TSPAN18: variants seen among roughly 807,000 people sequenced by gnomAD.
TSPAN18 encodes tetraspanin-18.
Under a neutral mutation model 27.3 loss-of-function variants are expected in TSPAN18, and 14 were observed. The observed-to-expected ratio is 0.51, with a 90% CI of 0.34 to 0.80. The LOEUF (loss-of-function observed/expected upper bound fraction) is 0.80, where lower values mean the gene tolerates loss of function less well. Ranked by LOEUF, TSPAN18 falls within the 30% of genes least tolerant of loss-of-function variation. The pLI is 0.01. For missense variants in TSPAN18, 268 were observed against 323.9 expected (o/e 0.83, Z 1.32); for synonymous variants, 143 against 136.5 (o/e 1.05, Z -0.33).
intron 1 of TSPAN18, among the ~76,000 whole-genome samples, chr11:44,759,474 A>G (rs1036317469): frequency 3.9e-5 from 6 of 152,140 alleles, no homozygotes; most frequent in Non-Finnish European, 8.8e-5. Context: ...GTTGAGGGTC[A>G]TTCATTCTCT....
At chr11:44,810,012 C>T (rs1009654703) in intron 2 of TSPAN18, among the ~76,000 whole-genome samples, 2 of 152,140 alleles carry the variant, frequency 1.3e-5, no homozygotes, top group Non-Finnish European at 2.9e-5. Context: ...AGTGATGGAG[C>T]GAGAGTGGAC....
intron 2 of TSPAN18, among the ~76,000 whole-genome samples, chr11:44,821,989 G>A (rs931110253): frequency 6.6e-6 from 1 of 152,172 alleles, no homozygotes; most frequent in Non-Finnish European, 1.5e-5. Context: ...ATGGCTGGGG[G>A]TGAAGGCCAG....
chr11:44,821,183 A>G (rs1856921071), intron 2 of TSPAN18, among the ~76,000 whole-genome samples: 1 of 152,218 alleles, frequency 6.6e-6, no homozygotes, highest in East Asian at 1.9e-4. Context: ...AATCACAGAC[A>G]TCGAACATTG....
intron 1 of TSPAN18, among the ~76,000 whole-genome samples, chr11:44,744,822 T>A (rs925746936): frequency 6.6e-6 from 1 of 152,146 alleles, no homozygotes; most frequent in African/African-American, 2.4e-5. Flanking sequence ...AGGGGTAGCA[T>A]GGTGTGGTAG....
At chr11:44,892,645 C>T (rs1459702950) in intron 3 of TSPAN18, among the ~76,000 whole-genome samples, 2 of 152,214 alleles carry the variant, frequency 1.3e-5, no homozygotes, top group African/African-American at 2.4e-5. Flanking sequence ...CTGGGACTGG[C>T]ACCTTCTGTG....
chr11:44,776,763 A>G (rs919661981), intron 2 of TSPAN18, among the ~76,000 whole-genome samples: 2 of 152,184 alleles, frequency 1.3e-5, no homozygotes, highest in African/African-American at 2.4e-5. Context: ...TAGGGCTGCC[A>G]TGAGGATTCC....
At chr11:44,787,506 C>CTTA (rs1409071320) in intron 2 of TSPAN18, among the ~76,000 whole-genome samples, 4 of 152,306 alleles carry the variant, frequency 2.6e-5, no homozygotes, top group Middle Eastern at 6.8e-3. Flanking sequence ...TTCTCATCCT[C>CTTA]TTAGACAGAG....
intron 2 of TSPAN18, among the ~76,000 whole-genome samples, chr11:44,804,801 A>AG (rs1856556966): frequency 8.8e-6 from 1 of 114,114 alleles, no homozygotes; most frequent in East Asian, 3.0e-4. Context: ...CTGAGGAGGA[A>AG]GGGTGGGGGT....
At chr11:44,807,237 G>A (rs2602153) in intron 2 of TSPAN18, among the ~76,000 whole-genome samples, 10,580 of 26,828 alleles carry the variant, frequency 0.39, 1,959 homozygotes, top group South Asian at 0.62. Context: ...AAAAAAAAAA[G>A]AAGGAAAGAG....
At position 44,808,395 on chromosome 11, in the gene TSPAN18, C is replaced by A. The variant is rs527878619; in HGVS notation, c.-153+43883C>A. On this transcript the variant is annotated intron_variant, in intron 2 of 9. Coordinates refer to ENST00000520358, the MANE Select transcript of TSPAN18 (RefSeq NM_130783.5). The stretch of plus-strand genomic sequence containing the variant: ...CAGGAGGGAGAGACAGGAAATTGAC[C>A]AGAAAATCCTATGCCTGTGTAAAGA... Among the ~76,000 whole-genome samples, 12 of 152,264 alleles carry A rather than the reference C, an allele frequency of 7.9e-5. No homozygotes were observed. In the East Asian group the frequency reaches 2.3e-3, roughly 29 times the overall value.
At chr11:44,747,585 A>G (rs1855109727) in intron 1 of TSPAN18, among the ~76,000 whole-genome samples, 1 of 152,150 alleles carries the variant, frequency 6.6e-6, no homozygotes, top group East Asian at 1.9e-4. Context: ...ATTTGGGTCG[A>G]CTTTGGTATA....
intron 3 of TSPAN18, among the ~76,000 whole-genome samples, chr11:44,892,671 C>A (rs539604038): frequency 6.6e-6 from 1 of 152,216 alleles, no homozygotes. Context: ...AGTCCAGCCC[C>A]GGTCTATGGG....
At chr11:44,826,080 C>G (rs34376735) in intron 2 of TSPAN18, among the ~76,000 whole-genome samples, 49,254 of 152,126 alleles carry the variant, frequency 0.32, 9,390 homozygotes, top group Non-Finnish European at 0.42. Flanking sequence ...ACACCACACA[C>G]AAAGTGAGGG....
rs187369133 is a variant in TSPAN18 at position 44,750,092 on chromosome 11, G to C, written c.-239-14334G>C. ...TTTTGAAAACCACAGGCCATCAGGG[G>C]ACAGATGATGAAATTGAGACCCAGA... On this transcript the variant is annotated intron_variant, in intron 1 of 9. Coordinates refer to ENST00000520358, the MANE Select transcript of TSPAN18 (RefSeq NM_130783.5). 3.9e-5 allele frequency among the ~76,000 whole-genome samples: 6 copies of C among 152,332 alleles called. No individual in the cohort carries two copies. In the South Asian group the frequency reaches 1.0e-3, roughly 26 times the overall value.
At chr11:44,732,978 C>T (rs1854700180) in intron 1 of TSPAN18, among the ~76,000 whole-genome samples, 1 of 152,164 alleles carries the variant, frequency 6.6e-6, no homozygotes, top group African/African-American at 2.4e-5. Context: ...TTTGTAACTG[C>T]CCCTTCTAAA....
At chr11:44,897,233 G>A (rs1243657760) in intron 3 of TSPAN18, among the ~76,000 whole-genome samples, 2 of 152,086 alleles carry the variant, frequency 1.3e-5, no homozygotes, top group African/African-American at 4.8e-5. Flanking sequence ...CTGGGAGCTG[G>A]CCCTCTGAAG....
At chr11:44,732,332 A>G (rs1191186412) in intron 1 of TSPAN18, among the ~76,000 whole-genome samples, 1 of 152,310 alleles carries the variant, frequency 6.6e-6, no homozygotes, top group South Asian at 2.1e-4. Context: ...CTCCGCCTAC[A>G]AGGATGGTTT....
chr11:44,917,322 G>A (rs114090952), intron 5 of TSPAN18, among the ~76,000 whole-genome samples: 71 of 152,314 alleles, frequency 4.7e-4, no homozygotes, highest in African/African-American at 1.7e-3. Flanking sequence ...TGAGGTCCCC[G>A]AAATGAGAGG....
At chr11:44,788,908 A>C (rs1401699535) in intron 2 of TSPAN18, among the ~76,000 whole-genome samples, 1 of 152,210 alleles carries the variant, frequency 6.6e-6, no homozygotes, top group Non-Finnish European at 1.5e-5. Flanking sequence ...AGAGAGGGCC[A>C]AGTGACTGGA....
Sources: gnomAD v4.1 joint callset for allele counts (sites outside exome capture counted in the v4.1 genomes callset) on GRCh38, gnomAD v4.1.1 for gene constraint, MANE v1.5 for transcripts, NCBI Gene and HGNC (gene_info 2026-07-23, HGNC 2026-07-21) for gene names.